SHISA6: variants seen among roughly 807,000 people sequenced by gnomAD.
The protein encoded by SHISA6 is shisa family member 6.
In SHISA6, 22 loss-of-function variants were observed where a neutral mutation model predicts 47.9. That is an observed-to-expected ratio of 0.46 (90% CI 0.33 to 0.66). The LOEUF is 0.66. SHISA6 is among the 30% of genes least tolerant of loss of function. The pLI is 0.02. For missense variants in SHISA6, 680 were observed against 764.6 expected, an observed-to-expected ratio of 0.89 and a Z score of 1.30; for synonymous variants, 388 against 337.8, an observed-to-expected ratio of 1.15 and a Z score of -1.63.
chr17:11,328,061 C>T (rs923282192), intron 2 of SHISA6, among the ~76,000 whole-genome samples: 5 of 152,214 alleles, frequency 3.3e-5, no homozygotes, highest in Admixed American at 1.3e-4. Flanking sequence ...TTTATTTCTT[C>T]GGCAATTACT....
intron 2 of SHISA6, among the ~76,000 whole-genome samples, chr17:11,306,853 A>G (rs1910127332): frequency 6.6e-6 from 1 of 152,050 alleles, no homozygotes; most frequent in Non-Finnish European, 1.5e-5. Flanking sequence ...ACCTATCCCC[A>G]TCTCCTTTAT....
chr17:11,286,488 T>C lies in SHISA6; in HGVS notation c.799+22962T>C, dbSNP rs1909305413. ...CTGCTCCCTCCCTTTCTCCTGTAGT[T>C]CTTGGCTTGTACCTCTCGGTTGCAC... is the stretch of plus-strand genomic sequence containing the variant. On this transcript the variant is annotated intron_variant, in intron 2 of 5. Coordinates refer to ENST00000441885, the MANE Select transcript of SHISA6 (RefSeq NM_207386.4). Among the ~76,000 whole-genome samples the C allele has an allele frequency of 2.0e-5, 3 of 152,280 alleles. No homozygotes were observed. In the South Asian group the frequency reaches 6.2e-4, roughly 32 times the overall value.
At chr17:11,334,180 A>G (rs1911233797) in intron 2 of SHISA6, among the ~76,000 whole-genome samples, 1 of 152,200 alleles carries the variant, frequency 6.6e-6, no homozygotes, top group Admixed American at 6.5e-5. Context: ...AACTGCAACC[A>G]GAGTCCCAAG....
chr17:11,516,573 T>C (rs2071587656), intron 3 of SHISA6, among the ~76,000 whole-genome samples: 1 of 152,276 alleles, frequency 6.6e-6, no homozygotes, highest in South Asian at 2.1e-4. Context: ...CATGTTCCAA[T>C]CCCCATGGTG....
chr17:11,558,491 C>A lies in SHISA6; in HGVS notation c.*187C>A. 1.6e-6 allele frequency: 1 copy of A among 635,394 alleles called. No homozygotes were observed. Among genetic ancestry groups the A allele is most frequent in the South Asian group, 2.0e-5 (1 of 51,182 alleles). The allele number at this position is 635,394 out of a possible 1,614,324, so 39.4% of individuals were successfully genotyped here. ...ACAGCCCCGATGGCCTGGTCCAATA[C>A]ACTTAGACCCAGGACCAAGAGCAAT... is the stretch of plus-strand genomic sequence containing the variant. On this transcript the variant is annotated 3_prime_UTR_variant, in exon 6 of 6. Coordinates refer to ENST00000441885, the MANE Select transcript of SHISA6 (RefSeq NM_207386.4).
intron 1 of SHISA6, among the ~76,000 whole-genome samples, chr17:11,245,758 T>G (rs73976914): frequency 0.044 from 5,154 of 116,182 alleles, 334 homozygotes; most frequent in African/African-American, 0.19. Context: ...GTGGGGGGGG[T>G]GGATATCTAG....
At chr17:11,385,213 C>G (rs947353016) in intron 3 of SHISA6, among the ~76,000 whole-genome samples, 1 of 152,148 alleles carries the variant, frequency 6.6e-6, no homozygotes, top group Admixed American at 6.5e-5. Context: ...CAAAGACTGA[C>G]TGACGGATGT....
intron 3 of SHISA6, among the ~76,000 whole-genome samples, chr17:11,535,175 C>T (rs977629230): frequency 6.6e-6 from 1 of 152,016 alleles, no homozygotes; most frequent in Non-Finnish European, 1.5e-5. Flanking sequence ...GGCTATGGTG[C>T]AGGAAAGCAG....
intron 3 of SHISA6, among the ~76,000 whole-genome samples, chr17:11,548,028 A>G (rs1349084982): frequency 6.6e-6 from 1 of 152,238 alleles, no homozygotes; most frequent in Non-Finnish European, 1.5e-5. Context: ...ATAACATTAC[A>G]TAGTTAAGAA....
intron 2 of SHISA6, among the ~76,000 whole-genome samples, chr17:11,292,824 A>ATTTT (rs35397647): frequency 2.2e-5 from 3 of 135,642 alleles, no homozygotes; most frequent in African/African-American, 5.5e-5. Context: ...AATCAGATTG[A>ATTTT]TTTTTTTTTT....
intron 3 of SHISA6, among the ~76,000 whole-genome samples, chr17:11,440,419 C>T (rs916697115): frequency 2.6e-5 from 4 of 151,940 alleles, no homozygotes; most frequent in Non-Finnish European, 4.4e-5. Context: ...TCACCTTTGA[C>T]CTTGCTCCTC....
chr17:11,552,724 G>C lies in SHISA6; in HGVS notation c.952+772G>C, dbSNP rs112277998. Among the ~76,000 whole-genome samples, 440 of 152,332 alleles carry C rather than the reference G, an allele frequency of 2.9e-3. 1 individual carries two copies. Among genetic ancestry groups the C allele is most frequent in the African/African-American group, 0.01 (427 of 41,574 alleles). On this transcript the variant is annotated intron_variant, in intron 4 of 5. Transcript: ENST00000441885. ...CCTACCACTGTTATGTCAGATTATG[G>C]TGTGCCTCAGCACTGAAGTTGAGGG...
At chr17:11,330,489 G>GGGGA (rs138793264) in intron 2 of SHISA6, among the ~76,000 whole-genome samples, 26 of 147,660 alleles carry the variant, frequency 1.8e-4, no homozygotes, top group South Asian at 4.4e-4. Flanking sequence ...GTAATGCTAG[G>GGGGA]GAGAGAGAGA....
At chr17:11,426,354 G>A (rs1214108691) in intron 3 of SHISA6, among the ~76,000 whole-genome samples, 2 of 152,212 alleles carry the variant, frequency 1.3e-5, no homozygotes, top group African/African-American at 4.8e-5. Context: ...ATCAGTCAAA[G>A]GCAGTTCTAA....
chr17:11,405,124 A>G (rs1187019123), intron 3 of SHISA6, among the ~76,000 whole-genome samples: 2 of 152,216 alleles, frequency 1.3e-5, no homozygotes, highest in Non-Finnish European at 2.9e-5. Context: ...GACTTCCTGA[A>G]TCATAATCTA....
chr17:11,324,689 C>G (rs1335970622), intron 2 of SHISA6, among the ~76,000 whole-genome samples: 2 of 152,120 alleles, frequency 1.3e-5, no homozygotes. Context: ...TTCTTCAAGC[C>G]TCTAAGTTCA....
chr17:11,246,476 C>T (rs1026248109), intron 1 of SHISA6, among the ~76,000 whole-genome samples: 7 of 151,840 alleles, frequency 4.6e-5, no homozygotes, highest in South Asian at 2.1e-4. Context: ...GGGGCCAGAG[C>T]GAGACTCAGT....
intron 3 of SHISA6, among the ~76,000 whole-genome samples, chr17:11,515,370 G>T (rs2071577577): frequency 7.3e-6 from 1 of 137,742 alleles, no homozygotes; most frequent in Non-Finnish European, 1.6e-5. Context: ...GGAAGGGAGA[G>T]AAAATGCTCC....
chr17:11,504,768 G>A (rs146024885), intron 3 of SHISA6, among the ~76,000 whole-genome samples: 1 of 152,166 alleles, frequency 6.6e-6, no homozygotes, highest in South Asian at 2.1e-4. Context: ...GATTCCTCAT[G>A]GGAAGGGGAC....
Sources: gnomAD v4.1 joint callset for allele counts (sites outside exome capture counted in the v4.1 genomes callset) on GRCh38, gnomAD v4.1.1 for gene constraint, MANE v1.5 for transcripts, NCBI Gene and HGNC (gene_info 2026-07-23, HGNC 2026-07-21) for gene names.